SRCAP: variants seen among roughly 807,000 people sequenced by gnomAD.
SRCAP encodes chromatin remodeling protein SRCAP.
A neutral mutation model predicts 263.1 loss-of-function variants in SRCAP; 46 were observed. The ratio of observed to expected loss-of-function variants is 0.17; its 90% confidence interval spans 0.14 to 0.22. The LOEUF is 0.22. Ranked by LOEUF, SRCAP falls within the 10% of genes least tolerant of loss-of-function variation. SRCAP has a pLI of 1.00. For synonymous variants in SRCAP, 1,813 were observed against 1,662.1 expected (o/e 1.09, Z -2.21); for missense variants, 3,695 against 4,181.9 (o/e 0.88, Z 3.21).
chr16:30,700,567 C>A, intron 2 of SRCAP, 49 bp from the exon 3 acceptor site: 1 of 385,224 alleles, frequency 2.6e-6, no homozygotes. Context: ...CTTTTTCATC[C>A]CCTTTAACTG....
At chr16:30,735,495 C>T (rs2053152050) in intron 31 of SRCAP, among the ~76,000 whole-genome samples, 1 of 150,172 alleles carries the variant, frequency 6.7e-6, no homozygotes, top group South Asian at 2.1e-4. Context: ...AAAATTATTT[C>T]CTTTTCATTA....
At chr16:30,713,453 CAG>C in intron 15 of SRCAP, 64 bp from the exon 16 acceptor site, 1 of 1,610,432 alleles carries the variant, frequency 6.2e-7, no homozygotes. Context: ...AGGAATGTAT[CAG>C]AATGCTCAGA....
rs964097234 is a variant in SRCAP at position 30,716,533 on chromosome 16, C to T, written c.2817+54C>T. On this transcript the variant is annotated intron_variant, in intron 18 of 33. Transcript: ENST00000262518. Reference sequence around the variant, plus strand: ...TAAAGGTTATCGGCATTACTCCAACCATGTACCTCTTTTCGTTAGACTGGG... The same window carrying T: ...TAAAGGTTATCGGCATTACTCCAACTATGTACCTCTTTTCGTTAGACTGGG... 7.3e-6 allele frequency: 11 copies of T among 1,506,562 alleles called. No homozygotes were observed. In the South Asian group the frequency reaches 1.3e-4, roughly 17 times the overall value. The allele number at this position is 1,506,562 out of a possible 1,614,324, so 93.3% of individuals were successfully genotyped here. A position where few individuals can be genotyped will look rare whatever the true frequency, so the allele number is the denominator to read the frequency against.
intron 3 of SRCAP, among the ~76,000 whole-genome samples, chr16:30,703,360 A>G (rs1018489213): frequency 6.7e-6 from 1 of 150,186 alleles, no homozygotes; most frequent in Admixed American, 6.6e-5. Context: ...CGCCCAGCTA[A>G]TTTTTGTATT....
In SRCAP at chr16:30,724,461, G is replaced by C. The variant is rs553894866; in HGVS notation, c.5037G>C (p.Gln1679His). The C allele has an allele frequency of 6.2e-6, 10 of 1,614,186 alleles. No homozygotes were observed. In the South Asian group the frequency reaches 1.1e-4, roughly 18 times the overall value. Residue 1679 changes from glutamine to histidine, a missense_variant, in exon 25 of 34, where the codon CAG becomes CAC. Coordinates refer to ENST00000262518, the MANE Select transcript of SRCAP (RefSeq NM_006662.3). ...CTCTCCCGAGCCCGGCTTCTACGCA[G>C]ACACTGGCCCTAGCCCCAGCTTTAG... ...PSPLPSPAST[Q>H]TLALAPALAP...
chr16:30,700,587 CTT>C (rs746816750), intron 2 of SRCAP, 27 bp from the exon 3 acceptor site: 10,901 of 337,578 alleles, frequency 0.032, no homozygotes, highest in East Asian at 0.04. Flanking sequence ...GCATTTCTGT[CTT>C]TTTTTTTTTT....
At chr16:30,708,514 CT>C (rs1000578649) in intron 6 of SRCAP, among the ~76,000 whole-genome samples, 1 of 152,002 alleles carries the variant, frequency 6.6e-6, no homozygotes, top group African/African-American at 2.4e-5. Flanking sequence ...CTGCCTCAGG[CT>C]CTGGAGTAGC....
chr16:30,722,853 C>A (rs1329332865), intron 23 of SRCAP, 105 bp downstream of exon 23: 4 of 1,544,412 alleles, frequency 2.6e-6, no homozygotes, highest in Non-Finnish European at 3.5e-6. Flanking sequence ...TTTTCCCTTG[C>A]GAATATCTAT....
chr16:30,712,270 G>T lies in SRCAP; in HGVS notation c.1824G>T (p.Thr608=). ...TATTTCCTCTCTGACAGGTAAAGACGCCCATTCCCCTGCTTCTGCGGGGCC... is the reference window on the plus strand; with the variant it reads ...TATTTCCTCTCTGACAGGTAAAGACTCCCATTCCCCTGCTTCTGCGGGGCC... The part of the protein sequence containing the change: ...GYTLATTQVK[T]PIPLLLRGQL... The change falls in exon 13 of 34, where the codon ACG becomes ACT. Residue 608 remains threonine, a synonymous_variant. Transcript: ENST00000262518. 1 of 1,595,132 alleles carries T rather than the reference G, an allele frequency of 6.3e-7. No homozygotes were observed. Among genetic ancestry groups the T allele is most frequent in the Non-Finnish European group, 8.5e-7 (1 of 1,170,512 alleles).
chr16:30,711,874 A>T lies in SRCAP; in HGVS notation c.1532A>T (p.His511Leu), dbSNP rs1249395507. ...CGGAGTGAGGATGAGGAAGATGAAC[A>T]TTCAGAGGAGGAAGAAACAAGTGGA... ...EDRSEDEEDE[H>L]SEEEETSGSS... Residue 511 changes from histidine (H) to leucine (L), a missense_variant, in exon 12 of 34, where the codon CAT becomes CTT. Around this residue, in one of 12 missense-constraint regions of SRCAP, gnomAD observed 288 missense variants for 302.4 expected, o/e 0.95. Transcript: ENST00000262518. The T allele has an allele frequency of 6.2e-7, 1 of 1,613,884 alleles. No individual in the cohort carries two copies. Among genetic ancestry groups the T allele is most frequent in the Non-Finnish European group, 8.5e-7 (1 of 1,180,020 alleles).
rs1201981878 is a variant in SRCAP, at chr16:30,713,672, C to T, written c.2454C>T (p.Ser818=). 1 of 1,614,058 alleles carries T rather than the reference C, an allele frequency of 6.2e-7. No homozygotes were observed. Among genetic ancestry groups the T allele is most frequent in the East Asian group, 2.2e-5 (1 of 44,888 alleles). ...CCCTAACTGGCATGATTGAGGGCAG[C>T]CAAGAGTATAATGAAGGTCTAGTCA... ...SNPLTGMIEG[S]QEYNEGLVKR... Residue 818 remains serine (S), a synonymous_variant, in exon 16 of 34, where the codon AGC becomes AGT. Transcript: ENST00000262518.
At chr16:30,714,374 TA>T (rs1216204992) in intron 16 of SRCAP, among the ~76,000 whole-genome samples, 1 of 152,018 alleles carries the variant, frequency 6.6e-6, no homozygotes, top group Non-Finnish European at 1.5e-5. Context: ...TACGCCCGGC[TA>T]ATTTTTTGTA....
rs2052877198 is a variant in SRCAP at position 30,710,561 on chromosome 16, C to T, written c.1135-193C>T. ...CCTGGCACTTTCACAGTTCCTTCCC[C>T]AGGCAGTGGGGCCAGGATTTGGTAG... On this transcript the variant is annotated intron_variant, in intron 8 of 33. Coordinates refer to ENST00000262518, the MANE Select transcript of SRCAP (RefSeq NM_006662.3). The T allele has an allele frequency of 7.7e-6, 6 of 780,506 alleles. No homozygotes were observed. The Middle Eastern group carries it at 1.3e-3, about 175-fold the overall frequency. The allele number at this position is 780,506 out of a possible 1,614,324, so 48.3% of individuals were successfully genotyped here. A position where few individuals can be genotyped will look rare whatever the true frequency, so the allele number is the denominator to read the frequency against.
rs1449633458 is a variant in SRCAP at position 30,722,590 on chromosome 16, G to C, written c.3734G>C (p.Gly1245Ala). 3 of 1,613,912 alleles carry C rather than the reference G, an allele frequency of 1.9e-6. No individual in the cohort carries two copies. Among genetic ancestry groups the C allele is most frequent in the Admixed American group, 1.7e-5 (1 of 59,974 alleles). ...QRNVVHLVSA[G>A]GQHHLISQPA... ...AATGTGGTGCACCTCGTGTCAGCAG[G>C]GGGGCAGCACCATCTCATCAGCCAG... Residue 1245 changes from glycine (G) to alanine (A), a missense_variant, in exon 23 of 34, where the codon GGG becomes GCG. Physicochemically the swap from Gly to Ala is moderately conservative, Grantham distance 60. Around this residue, in one of 12 missense-constraint regions of SRCAP, gnomAD observed 1,347 missense variants for 1,304.4 expected, o/e 1.03. Transcript: ENST00000262518.
At position 30,712,059 on chromosome 16, in the gene SRCAP, C is replaced by T; in HGVS notation, c.1717C>T (p.Pro573Ser). The T allele has an allele frequency of 6.2e-7, 1 of 1,614,038 alleles. No homozygotes were observed. Among genetic ancestry groups the T allele is most frequent in the Non-Finnish European group, 8.5e-7 (1 of 1,180,000 alleles). ...EADAGSGPPT[P>S]GPTTLGPKKE... ...AGATGCAGGCAGTGGGCCTCCTACT[C>T]CAGGGCCCACTACTCTAGGTCCAAA... The change falls in exon 12 of 34, where the codon CCA becomes TCA. Residue 573 changes from proline to serine, a missense_variant. Pro to Ser is a moderately conservative substitution (Grantham distance 74). Transcript: ENST00000262518.
At chr16:30,716,267 C>G (rs763739394) in intron 17 of SRCAP, 26 bp from the exon 18 acceptor site, 3 of 1,613,338 alleles carry the variant, frequency 1.9e-6, no homozygotes, top group Non-Finnish European at 2.5e-6. Flanking sequence ...GTTAGGACGT[C>G]TCATTTATTT....
At chr16:30,710,575 A>G (rs1264332367) in intron 8 of SRCAP, 179 bp from the exon 9 acceptor site, 2 of 803,916 alleles carry the variant, frequency 2.5e-6, no homozygotes, top group South Asian at 1.3e-5. Flanking sequence ...CAGTGGGGCC[A>G]GGATTTGGTA....
In SRCAP at chr16:30,729,403, T is replaced by G. The variant is rs1188298213; in HGVS notation, c.5958T>G (p.Pro1986=). The G allele has an allele frequency of 6.2e-7, 1 of 1,614,044 alleles. No individual in the cohort carries two copies. Among genetic ancestry groups the G allele is most frequent in the East Asian group, 2.2e-5 (1 of 44,880 alleles). The part of the protein sequence containing the change: ...FIFVMPPVEA[P]PPSLHACHPP... ...TTGTCATGCCTCCTGTGGAGGCACCTCCCCCTTCCCTGCATGCCTGCCACC... is the reference window on the plus strand; with the variant it reads ...TTGTCATGCCTCCTGTGGAGGCACCGCCCCCTTCCCTGCATGCCTGCCACC... The change falls in exon 27 of 34, where the codon CCT becomes CCG. Residue 1986 remains proline (P), a synonymous_variant. Transcript: ENST00000262518.
At chr16:30,736,437 TG>T (rs2053161265) in intron 32 of SRCAP, 43 bp downstream of exon 32, 2 of 1,605,346 alleles carry the variant, frequency 1.2e-6, no homozygotes, top group Non-Finnish European at 1.7e-6. Flanking sequence ...CTGCTTCCCC[TG>T]GGCTTGTGAC....
Sources: gnomAD v4.1 joint callset for allele counts (sites outside exome capture counted in the v4.1 genomes callset) on GRCh38, gnomAD v4.1.1 for gene constraint, gnomAD v4.1.1 regional missense constraint, MANE v1.5 for transcripts, NCBI Gene and HGNC (gene_info 2026-07-23, HGNC 2026-07-21) for gene names.